UPF2: variants seen among roughly 807,000 people sequenced by gnomAD.
UPF2 encodes the protein UPF2 regulator of nonsense mediated mRNA decay.
In UPF2, 17 loss-of-function variants were observed where a neutral mutation model predicts 141.4. The observed-to-expected ratio is 0.12, with a 90% CI of 0.08 to 0.18. The LOEUF (loss-of-function observed/expected upper bound fraction) is 0.18, where lower values mean the gene tolerates loss of function less well. Among genes scored for constraint, UPF2 ranks in the 10% least tolerant of loss-of-function variants. The pLI, the probability that UPF2 is intolerant of heterozygous loss-of-function variation, is 1.00. For missense variants in UPF2, 1,152 were observed against 1,515.9 expected (o/e 0.76, Z 3.99); for synonymous variants, 540 against 498.0 (o/e 1.08, Z -1.12).
chr10:12,014,680 A>G lies in UPF2; in HGVS notation c.1146-496T>C, dbSNP rs1834188489. Among the ~76,000 whole-genome samples, 1 of 152,238 alleles carries G rather than the reference A, an allele frequency of 6.6e-6. No homozygotes were observed. The highest frequency in any genetic ancestry group is 2.4e-5 in the African/African-American group (1 of 41,468). On this transcript the variant is annotated intron_variant, in intron 3 of 21. Transcript: ENST00000357604. The surrounding 1 kb of genome is among the most constrained non-coding windows in gnomAD (Gnocchi z 5.0). ...ACTGTCATACTCCCCTCAGACATAC[A>G]GAACTAACCAAAAATATTTAACACA... is the stretch of plus-strand genomic sequence containing the variant.
chr10:11,923,212 T>C (rs1832668397), intron 21 of UPF2: 5 of 152,160 alleles, frequency 3.3e-5, no homozygotes, highest in Admixed American at 2.0e-4. Flanking sequence ...ATACTAAAAA[T>C]TGTAGTGATA....
chr10:11,929,768 C>CG, intron 21 of UPF2, 97 bp downstream of exon 21: 8 of 1,490,866 alleles, frequency 5.4e-6, no homozygotes, highest in Non-Finnish European at 7.2e-6. Context: ...TGCTAAAAAT[C>CG]GGGCCTTTGC....
rs1833155356 is a variant in UPF2, at chr10:11,956,578, CA to C, written c.2371-56del. 8 of 1,515,842 alleles carry C rather than the reference CA, an allele frequency of 5.3e-6. No homozygotes were observed. Among genetic ancestry groups the C allele is most frequent in the Non-Finnish European group, 7.2e-6 (8 of 1,115,940 alleles). The allele number at this position is 1,515,842 out of a possible 1,614,324, so 93.9% of individuals were successfully genotyped here. The stretch of plus-strand genomic sequence containing the variant: ...TAAGATAAGTACACAGTAGCCTGAC[CA>C]AATAATACAGAAATTTTGCTATGAT... On this transcript the variant is annotated intron_variant, in intron 12 of 21. Coordinates refer to ENST00000357604, the MANE Select transcript of UPF2 (RefSeq NM_015542.4). This position sits in a 1 kb window ranked among gnomAD's most constrained non-coding sequence, Gnocchi z 4.2.
At chr10:11,952,030 A>G in intron 15 of UPF2, 36 bp downstream of exon 15, 4 of 1,553,848 alleles carry the variant, frequency 2.6e-6, no homozygotes, top group Non-Finnish European at 3.5e-6. Flanking sequence ...TCTGCCAAAT[A>G]TCACCTTCAT....
rs1273883350 is a variant in UPF2, at chr10:11,956,060, T to C, written c.2574+260A>G. On this transcript the variant is annotated intron_variant, in intron 13 of 21. Coordinates refer to ENST00000357604, the MANE Select transcript of UPF2 (RefSeq NM_015542.4). The surrounding 1 kb of genome is among the most constrained non-coding windows in gnomAD (Gnocchi z 4.2). ...TACTCGGGAAGTTGAAACAGGAGAA[T>C]TGCTTGAACCCAGGAGGAAGAGGTT... Among the ~76,000 whole-genome samples, 3 of 151,858 alleles carry C rather than the reference T, an allele frequency of 2.0e-5. No homozygotes were observed. Among genetic ancestry groups the C allele is most frequent in the Admixed American group, 6.6e-5 (1 of 15,246 alleles).
chr10:11,929,486 A>G (rs1832755321), intron 21 of UPF2, among the ~76,000 whole-genome samples: 1 of 152,092 alleles, frequency 6.6e-6, no homozygotes, highest in Non-Finnish European at 1.5e-5. Flanking sequence ...AAGACATACA[A>G]ATTAGCCAGG....
chr10:11,944,543 G>A (rs1832978004), intron 16 of UPF2, among the ~76,000 whole-genome samples: 1 of 151,816 alleles, frequency 6.6e-6, no homozygotes, highest in Admixed American at 6.6e-5. Flanking sequence ...CCCCCCAAAT[G>A]CATTAATGTT....
intron 6 of UPF2, 71 bp downstream of exon 6, chr10:12,001,605 C>T (rs1335516798): frequency 7.2e-7 from 1 of 1,382,218 alleles, no homozygotes; most frequent in Non-Finnish European, 9.7e-7. Context: ...GAGAAAAGAT[C>T]TATATTCTTA....
At chr10:11,975,685 T>G (rs1376585099) in intron 9 of UPF2, among the ~76,000 whole-genome samples, 1 of 148,028 alleles carries the variant, frequency 6.8e-6, no homozygotes, top group Non-Finnish European at 1.5e-5. Context: ...ATTTTGTTGT[T>G]TTTTTTTTTT....
chr10:11,932,395 AAAAAGGTGAG>A (rs1471730377), intron 19 of UPF2, among the ~76,000 whole-genome samples: 2 of 152,156 alleles, frequency 1.3e-5, no homozygotes, highest in Non-Finnish European at 2.9e-5. Flanking sequence ...AATGTGATCA[AAAAAGGTGAG>A]AAATATAGGC....
rs570101720 is a variant in UPF2, at chr10:11,934,999, A to G, written c.3546+1546T>C. Among the ~76,000 whole-genome samples the G allele has an allele frequency of 2.0e-5, 3 of 152,210 alleles. No individual in the cohort carries two copies. In the East Asian group the frequency reaches 5.8e-4, roughly 29 times the overall value. On this transcript the variant is annotated intron_variant, in intron 19 of 21. Coordinates refer to ENST00000357604, the MANE Select transcript of UPF2 (RefSeq NM_015542.4). Reference sequence around the variant, plus strand: ...CAAGTATATCACTTGTATACTGCACAAGTATAGTGCACAATTTTGATCTCG... The same window carrying G: ...CAAGTATATCACTTGTATACTGCACGAGTATAGTGCACAATTTTGATCTCG...
intron 4 of UPF2, among the ~76,000 whole-genome samples, chr10:12,008,027 C>T (rs1196276704): frequency 1.3e-5 from 2 of 151,602 alleles, no homozygotes; most frequent in African/African-American, 2.4e-5. Context: ...GGATTACAGG[C>T]GCACTCCACA....
At position 11,959,905 on chromosome 10, in the gene UPF2, TTTCA is replaced by T. The variant is rs534410845; in HGVS notation, c.2185-553_2185-550del. ...TAGCCCGTGCCTACTTAGCCTTACG[TTTCA>T]TCCAATAAAATACTAGAGAACTTTA... On this transcript the variant is annotated intron_variant, in intron 11 of 21. Coordinates refer to ENST00000357604, the MANE Select transcript of UPF2 (RefSeq NM_015542.4). The surrounding 1 kb of genome is among the most constrained non-coding windows in gnomAD (Gnocchi z 5.9). Among the ~76,000 whole-genome samples, 233 of 152,356 alleles carry T rather than the reference TTTCA, an allele frequency of 1.5e-3. 1 individual carries two copies. The highest frequency in any genetic ancestry group is 5.2e-3 in the African/African-American group (215 of 41,578).
In UPF2 at chr10:11,948,325, C is replaced by G. The variant is rs997324707; in HGVS notation, c.3174+44G>C. ...TTTTGGCTCATATAATCAAAATACTCTTATACAAATGTACTCTATGTTGCT... is the reference window on the plus strand; with the variant it reads ...TTTTGGCTCATATAATCAAAATACTGTTATACAAATGTACTCTATGTTGCT... On this transcript the variant is annotated intron_variant, in intron 16 of 21. Coordinates refer to ENST00000357604, the MANE Select transcript of UPF2 (RefSeq NM_015542.4). The G allele has an allele frequency of 3.3e-6, 5 of 1,502,594 alleles. No individual in the cohort carries two copies. In the African/African-American group the frequency reaches 7.0e-5, roughly 21 times the overall value. The allele number at this position is 1,502,594 out of a possible 1,614,324, so 93.1% of individuals were successfully genotyped here.
At chr10:12,036,224 C>T (rs1834623064) in intron 1 of UPF2, among the ~76,000 whole-genome samples, 1 of 152,164 alleles carries the variant, frequency 6.6e-6, no homozygotes, top group Admixed American at 6.5e-5. Flanking sequence ...AAAGGGGTCA[C>T]CATGTGCTCT....
At chr10:11,930,318 T>C (rs1236721929) in intron 20 of UPF2, among the ~76,000 whole-genome samples, 1 of 152,208 alleles carries the variant, frequency 6.6e-6, no homozygotes, top group Non-Finnish European at 1.5e-5. Flanking sequence ...ATCCCAGCTC[T>C]GTCACTTTCT....
rs1308821164 is a variant in UPF2, at chr10:11,979,186, A to G, written c.1845-21T>C. ...CCAACCTGCAAAAGTTATATGTGAT[A>G]TGTGTCAAAGGAAAGACATATCAAA... On this transcript the variant is annotated intron_variant, in intron 8 of 21. Transcript: ENST00000357604. This position sits in a 1 kb window ranked among gnomAD's most constrained non-coding sequence, Gnocchi z 6.2. The G allele has an allele frequency of 1.4e-5, 22 of 1,571,782 alleles. No individual in the cohort carries two copies. The highest frequency in any genetic ancestry group is 1.8e-5 in the Non-Finnish European group (21 of 1,145,282).
chr10:11,984,509 CAA>C (rs1833654324), intron 8 of UPF2, among the ~76,000 whole-genome samples: 1 of 152,050 alleles, frequency 6.6e-6, no homozygotes, highest in Non-Finnish European at 1.5e-5. Context: ...TATTTTTCAA[CAA>C]AGTTTGTGAT....
Position 12,023,510 on chromosome 10 carries a change from T to TAA in UPF2, c.1145+5233_1145+5234dup, listed in dbSNP as rs762703531. ...CAACATGGTGAAACCCTGTCTCTAC[T>TAA]AAAAAAAAAAAAAAAAATAGAGAAT... On this transcript the variant is annotated intron_variant, in intron 3 of 21. Transcript: ENST00000357604. Among the ~76,000 whole-genome samples, 7 of 117,264 alleles carry TAA rather than the reference T, an allele frequency of 6.0e-5. No homozygotes were observed. In the East Asian group the frequency reaches 1.3e-3, roughly 21 times the overall value. 76.9% of individuals were successfully genotyped at this position (117,264 alleles called of 152,430 possible). A position where few individuals can be genotyped will look rare whatever the true frequency, so the allele number is the denominator to read the frequency against.
Sources: allele counts gnomAD v4.1 joint callset (sites outside exome capture counted in the v4.1 genomes callset), GRCh38; gene constraint gnomAD v4.1.1; non-coding constraint Gnocchi (gnomAD v3.1); transcripts MANE v1.5; gene names NCBI Gene and HGNC (gene_info 2026-07-23, HGNC 2026-07-21).